The following PTER variants were observed in gnomAD, a reference collection of about 807,000 sequenced individuals.
The protein encoded by PTER is N-acetyltaurine hydrolase.
PTER carries 38 observed loss-of-function variants against 29.6 expected under a neutral mutation model. That is an observed-to-expected ratio of 1.28 (90% confidence interval 0.99 to 1.68). The LOEUF is 1.68. Among genes scored for constraint, PTER ranks in the 40% most tolerant of loss-of-function variants. The pLI is 0.00. For synonymous variants in PTER, 172 were observed against 154.5 expected, an observed-to-expected ratio of 1.11 and a Z score of -0.84; for missense variants, 482 against 427.8, an observed-to-expected ratio of 1.13 and a Z score of -1.12.
chr10:16,470,005 A>G (rs1241711063), intron 1 of PTER, among the ~76,000 whole-genome samples: 1 of 152,144 alleles, frequency 6.6e-6, no homozygotes, highest in Non-Finnish European at 1.5e-5. Flanking sequence ...GGCTTGGCAC[A>G]TGGTAATTTT....
At chr10:16,445,767 T>A (rs927730920) in intron 1 of PTER, among the ~76,000 whole-genome samples, 2 of 152,128 alleles carry the variant, frequency 1.3e-5, no homozygotes, top group Non-Finnish European at 2.9e-5. Flanking sequence ...CCTGCTGTTG[T>A]AGGAAGGATC....
downstream of PTER, among the ~76,000 whole-genome samples, chr10:16,517,610 C>T (rs1289991328): frequency 2.0e-5 from 3 of 152,148 alleles, no homozygotes; most frequent in African/African-American, 7.2e-5. Context: ...CTTTAATATG[C>T]ACTGTCATGG....
At chr10:16,502,952 G>A (rs1228290089) in intron 3 of PTER, among the ~76,000 whole-genome samples, 3 of 127,456 alleles carry the variant, frequency 2.4e-5, no homozygotes, top group South Asian at 2.6e-4. Flanking sequence ...TCACGCCACT[G>A]CACTCCAGCC....
intron 3 of PTER, among the ~76,000 whole-genome samples, chr10:16,498,608 A>G (rs1836208248): frequency 6.6e-6 from 1 of 152,132 alleles, no homozygotes; most frequent in Non-Finnish European, 1.5e-5. Context: ...AACAACTCTC[A>G]AGAAGTATTC....
At chr10:16,503,060 T>C (rs112158059) in intron 3 of PTER, among the ~76,000 whole-genome samples, 9,937 of 120,720 alleles carry the variant, frequency 0.082, 683 homozygotes, top group South Asian at 0.16. Flanking sequence ...GGACACATGA[T>C]AGTGCTTTTT....
intron 1 of PTER, among the ~76,000 whole-genome samples, chr10:16,464,645 C>T (rs918700053): frequency 1.3e-5 from 2 of 152,164 alleles, no homozygotes; most frequent in Non-Finnish European, 2.9e-5. Flanking sequence ...TTACGGGATG[C>T]TTTAAAGTCT....
At chr10:16,453,086 C>T (rs1162305720) in intron 1 of PTER, among the ~76,000 whole-genome samples, 1 of 151,934 alleles carries the variant, frequency 6.6e-6, no homozygotes, top group Non-Finnish European at 1.5e-5. Context: ...GAGATGGGGT[C>T]TCAATATGTT....
At position 16,492,638 on chromosome 10, in the gene PTER, T is replaced by A. The variant is rs139680156; in HGVS notation, c.698+6021T>A. On this transcript the variant is annotated intron_variant, in intron 3 of 4. Coordinates refer to ENST00000535784, the MANE Select transcript of PTER (RefSeq NM_001261836.2). Reference sequence around the variant, plus strand: ...TATTTGGGTAGCAACTATTTACTGATTAATTTTTGAGCCCCCTGGAGGGGA... The same window carrying A: ...TATTTGGGTAGCAACTATTTACTGAATAATTTTTGAGCCCCCTGGAGGGGA... Among the ~76,000 whole-genome samples the A allele has an allele frequency of 1.9e-4, 29 of 152,356 alleles. No individual in the cohort carries two copies. The East Asian group carries it at 5.6e-3, about 29-fold the overall frequency.
intron 1 of PTER, among the ~76,000 whole-genome samples, chr10:16,460,848 C>T (rs1002445494): frequency 2.6e-5 from 4 of 152,036 alleles, no homozygotes; most frequent in East Asian, 1.9e-4. Context: ...TCCCAATTAG[C>T]GGGGATTACA....
chr10:16,486,672 C>G lies in PTER; in HGVS notation c.698+55C>G, dbSNP rs908551333. 8.5e-6 allele frequency: 13 copies of G among 1,530,948 alleles called. No individual in the cohort carries two copies. In the African/African-American group the frequency reaches 1.8e-4, roughly 21 times the overall value. 94.8% of individuals were successfully genotyped at this position (1,530,948 alleles called of 1,614,324 possible). A position where few individuals can be genotyped will look rare whatever the true frequency, so the allele number is the denominator to read the frequency against. On this transcript the variant is annotated intron_variant, in intron 3 of 4. Transcript: ENST00000535784. ...AACTGCCATATAATTAATGCATGATCAAATTAAGAATCTACAGTAATCAGT... is the reference window on the plus strand; with the variant it reads ...AACTGCCATATAATTAATGCATGATGAAATTAAGAATCTACAGTAATCAGT...
intron 1 of PTER, among the ~76,000 whole-genome samples, chr10:16,443,185 G>C (rs889053353): frequency 6.6e-6 from 1 of 152,190 alleles, no homozygotes; most frequent in African/African-American, 2.4e-5. Context: ...GGTGTCAGCA[G>C]TGTTGGCCTC....
intron 3 of PTER, among the ~76,000 whole-genome samples, chr10:16,504,129 T>C (rs1222567897): frequency 2.0e-5 from 3 of 152,160 alleles, no homozygotes; most frequent in Non-Finnish European, 4.4e-5. Context: ...TCTGCTAGGA[T>C]GTTTTTATTC....
rs186689474 is a variant in PTER, at chr10:16,511,621, C to T, written c.*365C>T. On this transcript the variant is annotated 3_prime_UTR_variant, in exon 5 of 5. Coordinates refer to ENST00000535784, the MANE Select transcript of PTER (RefSeq NM_001261836.2). ...CTAGTTAAATTATTTCCTTCTTGAG[C>T]GATCTAATGTTTCTTGTAATATTGA... The T allele has an allele frequency of 1.7e-3, 345 of 207,902 alleles. 2 individuals carry two copies. The highest frequency in any genetic ancestry group is 6.4e-3 in the African/African-American group (285 of 44,216). The allele number at this position is 207,902 out of a possible 1,614,324, so 12.9% of individuals were successfully genotyped here. A position where few individuals can be genotyped will look rare whatever the true frequency, so the allele number is the denominator to read the frequency against.
At chr10:16,467,937 C>T (rs1834900937) in intron 1 of PTER, among the ~76,000 whole-genome samples, 1 of 152,168 alleles carries the variant, frequency 6.6e-6, no homozygotes, top group South Asian at 2.1e-4. Context: ...ATTTTCCATG[C>T]TTTTTAATAA....
chr10:16,514,537 A>G, downstream of PTER: 2 of 1,613,410 alleles, frequency 1.2e-6, no homozygotes, highest in Non-Finnish European at 1.7e-6. Flanking sequence ...ATCAGTCAGC[A>G]TAAATAATAA....
chr10:16,508,798 T>C (rs1320981644), intron 4 of PTER, among the ~76,000 whole-genome samples: 1 of 152,208 alleles, frequency 6.6e-6, no homozygotes, highest in African/African-American at 2.4e-5. Flanking sequence ...ACAGCCCATG[T>C]TAAGCACTGA....
intron 2 of PTER, 108 bp from the exon 3 acceptor site, chr10:16,486,244 T>C: frequency 2.4e-6 from 3 of 1,264,020 alleles, no homozygotes; most frequent in Non-Finnish European, 3.2e-6. Flanking sequence ...TGAATACATT[T>C]TTAAAAGAAT....
chr10:16,501,557 C>T (rs757524141), intron 3 of PTER, among the ~76,000 whole-genome samples: 1 of 152,110 alleles, frequency 6.6e-6, no homozygotes, highest in African/African-American at 2.4e-5. Context: ...CCTTTCTTAC[C>T]TTTCTGGGAT....
intron 1 of PTER, among the ~76,000 whole-genome samples, chr10:16,445,341 G>A (rs1833980060): frequency 6.6e-6 from 1 of 152,218 alleles, no homozygotes; most frequent in Admixed American, 6.5e-5. Flanking sequence ...GAACCTGGGA[G>A]GCGAAGGTTG....
Sources: gnomAD v4.1 joint callset for allele counts (sites outside exome capture counted in the v4.1 genomes callset) on GRCh38, gnomAD v4.1.1 for gene constraint, MANE v1.5 for transcripts, NCBI Gene and HGNC (gene_info 2026-07-23, HGNC 2026-07-21) for gene names.